The following ACSF2 variants were observed in gnomAD, a reference collection of about 807,000 sequenced individuals.
The protein encoded by ACSF2 is medium-chain acyl-CoA ligase ACSF2, mitochondrial.
A neutral mutation model predicts 79.3 loss-of-function variants in ACSF2; 52 were observed. That is an observed-to-expected ratio of 0.66 (90% CI 0.53 to 0.83). The LOEUF (loss-of-function observed/expected upper bound fraction) is 0.83. Among genes scored for constraint, ACSF2 ranks in the 40% least tolerant of loss-of-function variants. The pLI is 0.00. For synonymous variants in ACSF2, 283 were observed against 312.6 expected (o/e 0.91, Z 1.00); for missense variants, 661 against 803.3 (o/e 0.82, Z 2.14).
chr17:50,448,239 C>T (rs1039769217), intron 1 of ACSF2, among the ~76,000 whole-genome samples: 3 of 152,094 alleles, frequency 2.0e-5, no homozygotes, highest in African/African-American at 4.8e-5. Context: ...GGTAAGTAGT[C>T]GTGTATGTGA....
In ACSF2 at chr17:50,459,092, C is replaced by T. The variant is rs147263178; in HGVS notation, c.129-1585C>T. Among the ~76,000 whole-genome samples, 300 of 152,318 alleles carry T rather than the reference C, an allele frequency of 2.0e-3. 3 individuals carry two copies. The highest frequency in any genetic ancestry group is 6.6e-3 in the African/African-American group (275 of 41,566). On this transcript the variant is annotated intron_variant, in intron 1 of 15. Transcript: ENST00000300441. ...CATGAATGGATGGTAAAATGCCTGTCGACTACAGAGCACTTCACCATTCGC... is the reference window on the plus strand; with the variant it reads ...CATGAATGGATGGTAAAATGCCTGTTGACTACAGAGCACTTCACCATTCGC...
chr17:50,471,111 G>C lies in ACSF2; in HGVS notation c.1299G>C (p.Val433=), dbSNP rs750805198. 7 of 1,613,840 alleles carry C rather than the reference G, an allele frequency of 4.3e-6. No individual in the cohort carries two copies. The highest frequency in any genetic ancestry group is 2.2e-5 in the South Asian group (2 of 91,042). ...EDTVEQKAES[V]GRIMPHTEAR... Reference sequence around the variant, plus strand: ...CTGTGGAGCAGAAGGCAGAAAGCGTGGGCAGAATTATGCCTCACACGGAGG... The same window carrying C: ...CTGTGGAGCAGAAGGCAGAAAGCGTCGGCAGAATTATGCCTCACACGGAGG... Residue 433 remains valine (V), a synonymous_variant, in exon 11 of 16, where the codon GTG becomes GTC. Coordinates refer to ENST00000300441, the MANE Select transcript of ACSF2 (RefSeq NM_025149.6). The surrounding 1 kb of genome is among the most constrained non-coding windows in gnomAD (Gnocchi z 4.1).
At position 50,463,258 on chromosome 17, in the gene ACSF2, C is replaced by T. The variant is rs759270439; in HGVS notation, c.888+7C>T. 25 of 1,613,764 alleles carry T rather than the reference C, an allele frequency of 1.5e-5. No homozygotes were observed. The highest frequency in any genetic ancestry group is 3.3e-5 in the Admixed American group (2 of 59,968). On this transcript the variant is annotated splice_region_variant and intron_variant, in intron 7 of 15. Transcript: ENST00000300441. The surrounding 1 kb of genome is among the most constrained non-coding windows in gnomAD (Gnocchi z 4.6). ...CCTGAAACTGCATGAGAAGGTGAGG[C>T]GGCACTAGGCCCAGGGCAAGGCTGC...
At chr17:50,464,652 G>A (rs2032563199) in intron 10 of ACSF2, 1 of 481,662 alleles carries the variant, frequency 2.1e-6, no homozygotes, top group African/African-American at 2.0e-5. Context: ...CTGGAAGCAA[G>A]GGGTGGGGCA....
chr17:50,468,783 C>T (rs372652283), intron 10 of ACSF2: 3 of 1,566,774 alleles, frequency 1.9e-6, no homozygotes, highest in East Asian at 2.4e-5. Flanking sequence ...GCCAGGAGGC[C>T]GAGGCTGAGC....
intron 10 of ACSF2, among the ~76,000 whole-genome samples, chr17:50,469,743 T>C (rs139154829): frequency 0.015 from 2,241 of 152,034 alleles, 20 homozygotes; most frequent in Admixed American, 0.023. Flanking sequence ...GGTCTCAGGG[T>C]GGCGGCTGAG....
chr17:50,453,115 G>T (rs1291449083), intron 1 of ACSF2, among the ~76,000 whole-genome samples: 1 of 152,156 alleles, frequency 6.6e-6, no homozygotes, highest in African/African-American at 2.4e-5. Context: ...CCTGGCTCGG[G>T]TGTTCATCCG....
At position 50,471,523 on chromosome 17, in the gene ACSF2, T is replaced by C. The variant is rs1396669425; in HGVS notation, c.1323+388T>C. ...CTCGCCTCTCGCTTTAGCAGAGTTCTTCTTCTTGCTTGGCGTAAACACTTC... is the reference window on the plus strand; with the variant it reads ...CTCGCCTCTCGCTTTAGCAGAGTTCCTCTTCTTGCTTGGCGTAAACACTTC... On this transcript the variant is annotated intron_variant, in intron 11 of 15. Transcript: ENST00000300441. The surrounding 1 kb of genome is among the most constrained non-coding windows in gnomAD (Gnocchi z 4.1). 4.2e-6 allele frequency: 1 copy of C among 235,360 alleles called. No homozygotes were observed. The highest frequency in any genetic ancestry group is 9.2e-5 in the East Asian group (1 of 10,890). 14.6% of individuals were successfully genotyped at this position (235,360 alleles called of 1,614,324 possible). A position where few individuals can be genotyped will look rare whatever the true frequency, so the allele number is the denominator to read the frequency against.
At chr17:50,443,796 T>A (rs2031108755) in intron 1 of ACSF2, among the ~76,000 whole-genome samples, 1 of 152,236 alleles carries the variant, frequency 6.6e-6, no homozygotes. Flanking sequence ...AACTCCTGTT[T>A]TTATGTTGAA....
chr17:50,442,859 G>A lies in ACSF2; in HGVS notation c.128+16470G>A, dbSNP rs1421471813. ...TCATAGGAATAATTTTTTTTTCCCAGTTCTTTGCTAAGTGGCAATTAATCA... is the reference window on the plus strand; with the variant it reads ...TCATAGGAATAATTTTTTTTTCCCAATTCTTTGCTAAGTGGCAATTAATCA... On this transcript the variant is annotated intron_variant, in intron 1 of 15. Transcript: ENST00000300441. Among the ~76,000 whole-genome samples, 4 of 150,604 alleles carry A rather than the reference G, an allele frequency of 2.7e-5. No individual in the cohort carries two copies. In the East Asian group the frequency reaches 7.8e-4, roughly 29 times the overall value.
intron 1 of ACSF2, chr17:50,460,326 G>A: frequency 2.1e-6 from 1 of 473,316 alleles, no homozygotes; most frequent in Non-Finnish European, 4.2e-6. Context: ...TTATTCTCCA[G>A]GAGGCAGGGG....
intron 1 of ACSF2, among the ~76,000 whole-genome samples, chr17:50,443,495 G>T (rs577089732): frequency 5.5e-4 from 84 of 152,312 alleles, no homozygotes; most frequent in African/African-American, 2.0e-3. Context: ...AATAAGAAAA[G>T]AATTTGCTAC....
At chr17:50,469,142 C>A in intron 10 of ACSF2, 6 of 666,200 alleles carry the variant, frequency 9.0e-6, no homozygotes, top group Non-Finnish European at 1.1e-5. Context: ...CTCTGCCTAC[C>A]GCCTTTCCCG....
At chr17:50,465,145 C>T in intron 10 of ACSF2, 1 of 872,856 alleles carries the variant, frequency 1.1e-6, no homozygotes, top group Non-Finnish European at 1.8e-6. Context: ...TTCCTCCCTT[C>T]AACAGGGGAC....
At chr17:50,454,296 G>A (rs1598411420) in intron 1 of ACSF2, among the ~76,000 whole-genome samples, 2 of 151,214 alleles carry the variant, frequency 1.3e-5, no homozygotes, top group African/African-American at 4.9e-5. Context: ...ACAGGCATGA[G>A]CCACCGTACC....
At chr17:50,470,394 GGAGGT>G (rs749803969) in intron 10 of ACSF2, among the ~76,000 whole-genome samples, 2 of 152,136 alleles carry the variant, frequency 1.3e-5, no homozygotes, top group Non-Finnish European at 2.9e-5. Flanking sequence ...TGGAAATGGG[GGAGGT>G]GGGGTGGGGG....
chr17:50,432,816 A>T (rs1417834125), intron 1 of ACSF2, among the ~76,000 whole-genome samples: 2 of 152,254 alleles, frequency 1.3e-5, no homozygotes, highest in South Asian at 4.2e-4. Flanking sequence ...CGCAGACCTT[A>T]GTTTGTTTGT....
intron 1 of ACSF2, among the ~76,000 whole-genome samples, chr17:50,441,510 A>G (rs531733970): frequency 6.6e-6 from 1 of 152,222 alleles, no homozygotes; most frequent in Admixed American, 6.5e-5. Context: ...CTCTGAAAAG[A>G]TTCATGTTGT....
At chr17:50,468,622 C>G (rs760240849) in intron 10 of ACSF2, 2 of 1,614,244 alleles carry the variant, frequency 1.2e-6, no homozygotes. Context: ...CAGCCAGCAC[C>G]GGGAAGTTGT....
Sources: gnomAD v4.1 joint callset for allele counts (sites outside exome capture counted in the v4.1 genomes callset) on GRCh38, gnomAD v4.1.1 for gene constraint, Gnocchi (gnomAD v3.1) non-coding constraint, MANE v1.5 for transcripts, NCBI Gene and HGNC (gene_info 2026-07-23, HGNC 2026-07-21) for gene names.